The following API5 variants were observed in gnomAD, a reference collection of about 807,000 sequenced individuals.
The protein encoded by API5 is FIF.
Under a neutral mutation model 71.9 loss-of-function variants are expected in API5, and 6 were observed. That is an observed-to-expected ratio of 0.08 (90% CI 0.05 to 0.16). The LOEUF (loss-of-function observed/expected upper bound fraction) is 0.16. Ranked by LOEUF, API5 falls within the 10% of genes least tolerant of loss-of-function variation. The probability of loss-of-function intolerance (pLI) is 1.00; values close to 1 mark genes in which losing one functional copy is unlikely to be tolerated. For synonymous variants in API5, 189 were observed against 221.3 expected (o/e 0.85, Z 1.30); for missense variants, 332 against 612.8 (o/e 0.54, Z 4.84).
chr11:43,319,574 G>A (rs997875891), intron 2 of API5, among the ~76,000 whole-genome samples: 4 of 152,132 alleles, frequency 2.6e-5, no homozygotes, highest in South Asian at 2.1e-4. Flanking sequence ...ACAGACCACC[G>A]TTCCCAGCTG....
intron 13 of API5, among the ~76,000 whole-genome samples, chr11:43,340,014 A>T (rs1034651579): frequency 6.6e-6 from 1 of 152,180 alleles, no homozygotes; most frequent in Admixed American, 6.5e-5. Flanking sequence ...CTCTATGCAG[A>T]TGACATGATG....
In API5 at chr11:43,328,693, G is replaced by A. The variant is rs139212648; in HGVS notation, c.946-19G>A. ...ATATGTAGAACAGATTGCAAAATCT[G>A]TATATTTTTCTCTCTTAGGAATACA... On this transcript the variant is annotated intron_variant, in intron 8 of 13. Coordinates refer to ENST00000531273, the MANE Select transcript of API5 (RefSeq NM_001142930.2). The A allele has an allele frequency of 9.8e-5, 158 of 1,606,020 alleles. No individual in the cohort carries two copies. The East Asian group carries it at 2.0e-3, about 20-fold the overall frequency.
rs1411406185 is a variant in API5, at chr11:43,342,699, G to C, written c.*189G>C. On this transcript the variant is annotated 3_prime_UTR_variant, in exon 14 of 14. Coordinates refer to ENST00000531273, the MANE Select transcript of API5 (RefSeq NM_001142930.2). ...TGGTTGTGTCCAAGGTAAAACCACA[G>C]TGATATTTTTGGATGCTTTGTCTGC... is the stretch of plus-strand genomic sequence containing the variant. 1 of 699,418 alleles carries C rather than the reference G, an allele frequency of 1.4e-6. No individual in the cohort carries two copies. Among genetic ancestry groups the C allele is most frequent in the East Asian group, 2.7e-5 (1 of 36,896 alleles). The allele number at this position is 699,418 out of a possible 1,614,324, so 43.3% of individuals were successfully genotyped here. A position where few individuals can be genotyped will look rare whatever the true frequency, so the allele number is the denominator to read the frequency against.
At chr11:43,339,734 C>T (rs1855551967) in intron 13 of API5, among the ~76,000 whole-genome samples, 3 of 152,190 alleles carry the variant, frequency 2.0e-5, no homozygotes, top group Non-Finnish European at 4.4e-5. Flanking sequence ...TTTAGATCTA[C>T]ATTTGTGTGA....
In API5 at chr11:43,330,358, C is replaced by A. The variant is rs148577390; in HGVS notation, c.1222-150C>A. On this transcript the variant is annotated intron_variant, in intron 10 of 13. Coordinates refer to ENST00000531273, the MANE Select transcript of API5 (RefSeq NM_001142930.2). ...TGTTTAGAGTCAAGCAATAGGAATA[C>A]GCATTATCTATAGATTTAAACCAAG... The A allele has an allele frequency of 1.0e-5, 7 of 690,536 alleles. No homozygotes were observed. In the African/African-American group the frequency reaches 1.1e-4, roughly 11 times the overall value. 42.8% of individuals were successfully genotyped at this position (690,536 alleles called of 1,614,324 possible).
chr11:43,326,074 T>G (rs1252731792), intron 6 of API5, among the ~76,000 whole-genome samples: 1 of 152,182 alleles, frequency 6.6e-6, no homozygotes, highest in Non-Finnish European at 1.5e-5. Context: ...AAGTCCTTAT[T>G]TGGGCCCTTC....
intron 11 of API5, among the ~76,000 whole-genome samples, chr11:43,332,866 G>T (rs1855304867): frequency 6.6e-6 from 1 of 152,088 alleles, no homozygotes; most frequent in South Asian, 2.1e-4. Flanking sequence ...GTATGTGGTT[G>T]GTTCCCCAGG....
At chr11:43,320,731 TAA>T (rs774106510) in intron 2 of API5, 88 bp from the exon 3 acceptor site, 8,750 of 959,956 alleles carry the variant, frequency 9.1e-3, no homozygotes, top group South Asian at 1.0e-2. Flanking sequence ...ACCTTGTCTT[TAA>T]AAAAAAAAAA....
At chr11:43,322,925 A>G (rs1253406855) in intron 5 of API5, among the ~76,000 whole-genome samples, 1 of 152,318 alleles carries the variant, frequency 6.6e-6, no homozygotes, top group Admixed American at 6.5e-5. Flanking sequence ...ATTTAGACCC[A>G]CTGATATGGA....
intron 1 of API5, 136 bp downstream of exon 1, chr11:43,312,332 T>A: frequency 1.1e-6 from 1 of 921,660 alleles, no homozygotes; most frequent in Non-Finnish European, 1.7e-6. Flanking sequence ...TCAGGCCGTC[T>A]CGTCGGGGTG....
intron 11 of API5, among the ~76,000 whole-genome samples, 172 bp from the exon 12 acceptor site, chr11:43,335,105 AT>A (rs1280503793): frequency 6.6e-6 from 1 of 152,244 alleles, no homozygotes; most frequent in African/African-American, 2.4e-5. Context: ...AATTATGTTA[AT>A]GAGGTAATAC....
chr11:43,315,454 C>CT (rs986075330), intron 1 of API5, among the ~76,000 whole-genome samples: 4 of 151,890 alleles, frequency 2.6e-5, no homozygotes, highest in African/African-American at 9.7e-5. Flanking sequence ...GTAAGCATTT[C>CT]TTTTTCATAG....
At chr11:43,337,467 T>C (rs1855474660) in intron 13 of API5, among the ~76,000 whole-genome samples, 1 of 152,210 alleles carries the variant, frequency 6.6e-6, no homozygotes, top group African/African-American at 2.4e-5. Context: ...AGAAAGCCAA[T>C]TTTAGACTGA....
At chr11:43,336,238 T>C (rs1344448186) in intron 13 of API5, 3 of 457,088 alleles carry the variant, frequency 6.6e-6, no homozygotes, top group Non-Finnish European at 7.6e-6. Flanking sequence ...ATATGCCTCT[T>C]GTATTCAGAG....
intron 11 of API5, chr11:43,331,140 C>T (rs901303974): frequency 2.0e-5 from 3 of 152,768 alleles, no homozygotes; most frequent in Admixed American, 1.3e-4. Context: ...AAAATTGGGA[C>T]TAGTATGCCT....
rs1854530433 is a variant in API5 at position 43,312,820 on chromosome 11, A to G, written c.69+624A>G. ...AGGGAGTGTAGTAAGAAAGATAGGC[A>G]TTGTGAGGCCCGGCTTGGTGGCTCA... On this transcript the variant is annotated intron_variant, in intron 1 of 13. Coordinates refer to ENST00000531273, the MANE Select transcript of API5 (RefSeq NM_001142930.2). Among the ~76,000 whole-genome samples, 2 of 152,084 alleles carry G rather than the reference A, an allele frequency of 1.3e-5. 1 individual carries two copies. Among genetic ancestry groups the G allele is most frequent in the South Asian group, 4.1e-4 (2 of 4,830 alleles).
rs997875891 is a variant in API5, at chr11:43,319,574, G to T, written c.231+773G>T. 1.7e-4 allele frequency among the ~76,000 whole-genome samples: 26 copies of T among 152,132 alleles called. No homozygotes were observed. The East Asian group carries it at 4.6e-3, about 27-fold the overall frequency. On this transcript the variant is annotated intron_variant, in intron 2 of 13. Transcript: ENST00000531273. ...AGCCTCCCAAGCAGCACAGACCACCGTTCCCAGCTGATTTTTAATTTTTTT... is the reference window on the plus strand; with the variant it reads ...AGCCTCCCAAGCAGCACAGACCACCTTTCCCAGCTGATTTTTAATTTTTTT...
At chr11:43,320,751 A>C in intron 2 of API5, 70 bp from the exon 3 acceptor site, 1 of 1,307,246 alleles carries the variant, frequency 7.6e-7, no homozygotes, top group Non-Finnish European at 1.1e-6. Flanking sequence ...AAAAAGAAAG[A>C]AAAGAAAAAG....
At position 43,329,989 on chromosome 11, in the gene API5, G is replaced by A; in HGVS notation, c.1152G>A (p.Leu384=). The part of the protein sequence containing the change: ...KIRLQYFARG[L]QVYIRQLRLA... ...GGCTGCAGTACTTTGCACGGGGCCT[G>A]CAAGTTTATATCAGACAACTTCGCT... The change falls in exon 10 of 14, where the codon CTG becomes CTA. Residue 384 remains leucine, a synonymous_variant. Coordinates refer to ENST00000531273, the MANE Select transcript of API5 (RefSeq NM_001142930.2). 1 of 1,613,790 alleles carries A rather than the reference G, an allele frequency of 6.2e-7. No homozygotes were observed. Among genetic ancestry groups the A allele is most frequent in the Non-Finnish European group, 8.5e-7 (1 of 1,179,818 alleles).
Sources: allele counts gnomAD v4.1 joint callset (sites outside exome capture counted in the v4.1 genomes callset), GRCh38; gene constraint gnomAD v4.1.1; transcripts MANE v1.5; gene names NCBI Gene and HGNC (gene_info 2026-07-23, HGNC 2026-07-21).